Variants in CEP95 observed in about 807,000 individuals in gnomAD.
CEP95 encodes the protein centrosomal protein 95.
CEP95 carries 98 observed loss-of-function variants against 111.2 expected under a neutral mutation model. The ratio of observed to expected loss-of-function variants is 0.88; its 90% CI spans 0.75 to 1.04. CEP95 has a LOEUF of 1.04. Ranked by LOEUF, CEP95 falls within the 50% of genes least tolerant of loss-of-function variation. The probability of loss-of-function intolerance (pLI) is 0.00; values close to 1 mark genes in which losing one functional copy is unlikely to be tolerated. For synonymous variants in CEP95, 323 were observed against 327.1 expected, an observed-to-expected ratio of 0.99 and a Z score of 0.14; for missense variants, 1,027 against 977.2, an observed-to-expected ratio of 1.05 and a Z score of -0.68.
intron 1 of CEP95, chr17:64,507,888 T>C (rs782196440): frequency 2.0e-6 from 2 of 985,352 alleles, no homozygotes; most frequent in South Asian, 4.7e-5. Context: ...AAGTTACTTT[T>C]GGTACAGAAA....
chr17:64,533,022 A>G lies in CEP95; in HGVS notation c.1842+14A>G. The G allele has an allele frequency of 1.2e-6, 2 of 1,606,366 alleles. No individual in the cohort carries two copies. Among genetic ancestry groups the G allele is most frequent in the Non-Finnish European group, 1.7e-6 (2 of 1,177,998 alleles). On this transcript the variant is annotated intron_variant, in intron 15 of 19. Transcript: ENST00000556440. ...CTCCAAGATGAAGTAAGTTACTGTC[A>G]GTCTTAAGCATAGGAATTTAAATGA...
At position 64,531,519 on chromosome 17, in the gene CEP95, A is replaced by G. The variant is rs546705119; in HGVS notation, c.1540-371A>G. On this transcript the variant is annotated intron_variant, in intron 13 of 19. Coordinates refer to ENST00000556440, the MANE Select transcript of CEP95 (RefSeq NM_138363.3). Reference sequence around the variant, plus strand: ...AAGTACAGTATGGTTACAACTAAGCATACTGCATAGTTGCCTGAGAATTTT... The same window carrying G: ...AAGTACAGTATGGTTACAACTAAGCGTACTGCATAGTTGCCTGAGAATTTT... 2.8e-4 allele frequency among the ~76,000 whole-genome samples: 42 copies of G among 152,350 alleles called. 1 individual carries two copies. The South Asian group carries it at 8.5e-3, about 31-fold the overall frequency.
chr17:64,528,478 A>C (rs574128855), intron 11 of CEP95, among the ~76,000 whole-genome samples: 2 of 152,336 alleles, frequency 1.3e-5, no homozygotes, highest in African/African-American at 4.8e-5. Flanking sequence ...TTAAAATATT[A>C]TTTCAAGTGC....
intron 8 of CEP95, among the ~76,000 whole-genome samples, chr17:64,524,178 C>CA (rs1967605043): frequency 2.6e-5 from 4 of 152,136 alleles, no homozygotes; most frequent in Non-Finnish European, 4.4e-5. Flanking sequence ...TGGTAATACT[C>CA]TGTTTCTTGA....
At chr17:64,527,086 A>G (rs1967876784) in intron 10 of CEP95, 25 bp from the exon 11 acceptor site, 1 of 1,598,524 alleles carries the variant, frequency 6.3e-7, no homozygotes, top group Non-Finnish European at 8.5e-7. Flanking sequence ...TCAGTGAAAG[A>G]TGTTGAAAAG....
Position 64,522,873 on chromosome 17 carries a change from G to A in CEP95, c.887G>A (p.Gly296Glu). 3 of 1,611,286 alleles carry A rather than the reference G, an allele frequency of 1.9e-6. No individual in the cohort carries two copies. The highest frequency in any genetic ancestry group is 2.5e-6 in the Non-Finnish European group (3 of 1,178,926). The change falls in exon 8 of 20, where the codon GGA becomes GAA. Residue 296 changes from glycine to glutamate, a missense_variant. Gly to Glu is a moderately conservative substitution (Grantham distance 98, BLOSUM62 -2). Coordinates refer to ENST00000556440, the MANE Select transcript of CEP95 (RefSeq NM_138363.3). Reference protein sequence around the residue: ...SHCSPAVNSTGEHTEFSGDLD... With the variant: ...SHCSPAVNSTEEHTEFSGDLD... ...TGCTCCCCAGCCGTAAATTCTACTG[G>A]AGAGCATACGGAATTTTCTGGGGTA...
rs1192814572 is a variant in CEP95, at chr17:64,519,503, T to C, written c.589+67T>C. The C allele has an allele frequency of 7.7e-6, 9 of 1,172,112 alleles. No individual in the cohort carries two copies. The East Asian group carries it at 2.1e-4, about 28-fold the overall frequency. 72.6% of individuals were successfully genotyped at this position (1,172,112 alleles called of 1,614,324 possible). A position where few individuals can be genotyped will look rare whatever the true frequency, so the allele number is the denominator to read the frequency against. ...CAACTATAAAAATGTAAATGGTATG[T>C]AGGAGTGTTTAAAATTGAGAAGAAT... On this transcript the variant is annotated intron_variant, in intron 6 of 19. Coordinates refer to ENST00000556440, the MANE Select transcript of CEP95 (RefSeq NM_138363.3).
rs147169954 is a variant in CEP95, at chr17:64,517,772, G to A, written c.473+944G>A. On this transcript the variant is annotated intron_variant, in intron 5 of 19. Coordinates refer to ENST00000556440, the MANE Select transcript of CEP95 (RefSeq NM_138363.3). ...TGGTCTTGAATTCCTGGCCTCAAGC[G>A]ATCCTCCTGCTGCAGCCTCCCAGAG... Among the ~76,000 whole-genome samples, 365 of 149,718 alleles carry A rather than the reference G, an allele frequency of 2.4e-3. 1 individual carries two copies. Among genetic ancestry groups the A allele is most frequent in the African/African-American group, 8.4e-3 (341 of 40,560 alleles).
At chr17:64,510,321 T>TA in intron 3 of CEP95, 41 bp downstream of exon 3, 1 of 1,192,528 alleles carries the variant, frequency 8.4e-7, no homozygotes, top group Admixed American at 1.9e-5. Flanking sequence ...TGCATTTTAG[T>TA]AAAAATAATT....
intron 3 of CEP95, among the ~76,000 whole-genome samples, chr17:64,513,852 G>T (rs1340864601): frequency 6.6e-6 from 1 of 152,074 alleles, no homozygotes; most frequent in Non-Finnish European, 1.5e-5. Flanking sequence ...ATCTGAAAGT[G>T]TTCTCTCCTG....
chr17:64,532,915 A>G lies in CEP95; in HGVS notation c.1749A>G (p.Leu583=), dbSNP rs782306995. 8 of 1,613,944 alleles carry G rather than the reference A, an allele frequency of 5.0e-6. No homozygotes were observed. The Admixed American group carries it at 1.0e-4, about 20-fold the overall frequency. Residue 583 remains leucine, a synonymous_variant, in exon 15 of 20, where the codon CTA becomes CTG. Coordinates refer to ENST00000556440, the MANE Select transcript of CEP95 (RefSeq NM_138363.3). ...TTCTTTATGTTTCTGGCCCAACACT[A>G]AGCAAAATGTGGAAACAGCAAATTG... ...FPFLYVSGPT[L]SKMWKQQIAQ...
At chr17:64,519,478 C>A (rs1555677196) in intron 6 of CEP95, 42 bp downstream of exon 6, 3 of 1,397,600 alleles carry the variant, frequency 2.1e-6, no homozygotes, top group Non-Finnish European at 2.0e-6. Flanking sequence ...ATTCAACATA[C>A]AACTATAAAA....
intron 3 of CEP95, among the ~76,000 whole-genome samples, chr17:64,512,192 G>C (rs2038932470): frequency 6.6e-6 from 1 of 152,208 alleles, no homozygotes; most frequent in African/African-American, 2.4e-5. Context: ...TAGTATGCTA[G>C]TGTTTGTAAA....
chr17:64,507,149 G>A (rs2038589372), intron 1 of CEP95, 33 bp downstream of exon 1: 3 of 1,551,396 alleles, frequency 1.9e-6, no homozygotes, highest in Non-Finnish European at 2.6e-6. Context: ...AGTATGTGTG[G>A]ACTGAAACCG....
chr17:64,528,297 T>G (rs1447252636), intron 11 of CEP95, among the ~76,000 whole-genome samples: 1 of 152,200 alleles, frequency 6.6e-6, no homozygotes, highest in East Asian at 1.9e-4. Flanking sequence ...TCCTTAACTT[T>G]TTCAGTTGTT....
chr17:64,508,469 C>T, intron 1 of CEP95, 123 bp from the exon 2 acceptor site: 4 of 1,183,954 alleles, frequency 3.4e-6, no homozygotes, highest in Non-Finnish European at 3.2e-6. Flanking sequence ...AATCAAATTC[C>T]TTATCTTCTG....
Position 64,527,238 on chromosome 17 carries a change from A to C in CEP95, c.1280A>C (p.Glu427Ala), listed in dbSNP as rs1967888162. 1.2e-6 allele frequency: 2 copies of C among 1,612,948 alleles called. No homozygotes were observed. Among genetic ancestry groups the C allele is most frequent in the Non-Finnish European group, 1.7e-6 (2 of 1,179,416 alleles). The change falls in exon 11 of 20, where the codon GAG (glutamate) becomes GCG (alanine). Residue 427 changes from glutamate (E) to alanine (A), a missense_variant. By Grantham distance (107) the Glu-to-Ala change is moderately radical. Transcript: ENST00000556440. ...TLSQHSDGIV[E>A]YGPKKSRPGL... ...TCTCAGCACAGTGATGGCATCGTGG[A>C]GTATGGGCCAAAGAAGTCAAGGCCA...
At position 64,533,106 on chromosome 17, in the gene CEP95, C is replaced by T. The variant is rs782099948; in HGVS notation, c.1843-11C>T. 1 of 1,606,548 alleles carries T rather than the reference C, an allele frequency of 6.2e-7. No individual in the cohort carries two copies. The highest frequency in any genetic ancestry group is 8.5e-7 in the Non-Finnish European group (1 of 1,177,486). Reference sequence around the variant, plus strand: ...ATTATTAACCTACTTAACTTCATGTCCCCCTTCAAGATAGAAGAAGCCCTA... The same window carrying T: ...ATTATTAACCTACTTAACTTCATGTTCCCCTTCAAGATAGAAGAAGCCCTA... On this transcript the variant is annotated splice_polypyrimidine_tract_variant and intron_variant, in intron 15 of 19. Transcript: ENST00000556440.
chr17:64,507,474 G>A, intron 1 of CEP95: 1 of 1,260,552 alleles, frequency 7.9e-7, no homozygotes, highest in Non-Finnish European at 1.0e-6. Flanking sequence ...CCCTGAGGTC[G>A]TACCTGCTTT....
Sources: allele counts gnomAD v4.1 joint callset (sites outside exome capture counted in the v4.1 genomes callset), GRCh38; gene constraint gnomAD v4.1.1; transcripts MANE v1.5; gene names NCBI Gene and HGNC (gene_info 2026-07-23, HGNC 2026-07-21).